CRPPA: variants seen among roughly 807,000 people sequenced by gnomAD.
CRPPA encodes the protein CDP-L-ribitol pyrophosphorylase A, also known as D-ribitol-5-phosphate cytidylyltransferase.
A neutral mutation model predicts 52.0 loss-of-function variants in CRPPA; 43 were observed. That is an observed-to-expected ratio of 0.83 (90% CI 0.65 to 1.07). The LOEUF (loss-of-function observed/expected upper bound fraction) is 1.07. Among genes scored for constraint, CRPPA ranks in the 50% least tolerant of loss-of-function variants. The pLI, the probability that CRPPA is intolerant of heterozygous loss-of-function variation, is 0.00. For synonymous variants in CRPPA, 250 were observed against 203.5 expected, an observed-to-expected ratio of 1.23 and a Z score of -1.94; for missense variants, 629 against 551.7, an observed-to-expected ratio of 1.14 and a Z score of -1.40.
chr7:16,120,096 AAAG>A (rs1782452459), intron 9 of CRPPA, among the ~76,000 whole-genome samples: 3 of 152,340 alleles, frequency 2.0e-5, no homozygotes, highest in African/African-American at 7.2e-5. Context: ...AAAAAGCCAT[AAAG>A]AAGAAAATGG....
intron 5 of CRPPA, among the ~76,000 whole-genome samples, chr7:16,286,812 G>A (rs1784461430): frequency 6.6e-6 from 1 of 152,030 alleles, no homozygotes; most frequent in South Asian, 2.1e-4. Flanking sequence ...CTTCTACTCA[G>A]GTAGAAATCA....
rs1562608274 is a variant in CRPPA at position 16,286,035 on chromosome 7, AAAAATAT to A, written c.836-7816_836-7810del. ...AACTCCATCTCAAAAAAAAAAAAAA[AAAAATAT>A]AAATATATATATATATATATATATA... On this transcript the variant is annotated intron_variant, in intron 5 of 9. Transcript: ENST00000407010. Among the ~76,000 whole-genome samples, 111 of 18,714 alleles carry A rather than the reference AAAAATAT, an allele frequency of 5.9e-3. 1 individual carries two copies. Among genetic ancestry groups the A allele is most frequent in the African/African-American group, 0.014 (36 of 2,534 alleles). The allele number at this position is 18,714 out of a possible 152,430, so 12.3% of individuals were successfully genotyped here.
intron 5 of CRPPA, among the ~76,000 whole-genome samples, chr7:16,300,863 C>T (rs1192965937): frequency 1.3e-5 from 2 of 152,138 alleles, no homozygotes; most frequent in African/African-American, 4.8e-5. Context: ...AATAAACTAC[C>T]TCTATTTAGC....
chr7:16,145,694 C>G lies in CRPPA; in HGVS notation c.1252-53895G>C, dbSNP rs995253564. On this transcript the variant is annotated intron_variant, in intron 9 of 9. Transcript: ENST00000407010. Reference sequence around the variant, plus strand: ...TGAAGAATATAATCCCTGAAATAAACAAACAGAGATCTTTAACAGCAGACT... The same window carrying G: ...TGAAGAATATAATCCCTGAAATAAAGAAACAGAGATCTTTAACAGCAGACT... Among the ~76,000 whole-genome samples, 9 of 146,170 alleles carry G rather than the reference C, an allele frequency of 6.2e-5. No homozygotes were observed. The East Asian group carries it at 1.8e-3, about 29-fold the overall frequency.
chr7:16,400,088 C>G (rs904940663), intron 2 of CRPPA, among the ~76,000 whole-genome samples: 51 of 152,012 alleles, frequency 3.4e-4, no homozygotes, highest in Non-Finnish European at 6.5e-4. Flanking sequence ...TATGACATGA[C>G]TGTCACGTGA....
chr7:16,399,368 C>T (rs1787727214), intron 2 of CRPPA, among the ~76,000 whole-genome samples: 1 of 151,708 alleles, frequency 6.6e-6, no homozygotes, highest in Non-Finnish European at 1.5e-5. Context: ...ATTGACGTGA[C>T]ACATTTGTGA....
chr7:16,331,947 CAA>C (rs1785561311), intron 3 of CRPPA, among the ~76,000 whole-genome samples: 2 of 152,006 alleles, frequency 1.3e-5, no homozygotes, highest in Admixed American at 6.6e-5. Context: ...ATAATTTCTC[CAA>C]ATTAATGTAA....
intron 3 of CRPPA, among the ~76,000 whole-genome samples, chr7:16,354,093 G>T (rs1188868486): frequency 6.6e-6 from 1 of 151,946 alleles, no homozygotes; most frequent in Non-Finnish European, 1.5e-5. Flanking sequence ...AAAAAATTGA[G>T]TTCAGTTTTT....
chr7:16,398,574 C>T (rs1055640356), intron 2 of CRPPA, among the ~76,000 whole-genome samples: 5 of 152,090 alleles, frequency 3.3e-5, no homozygotes, highest in African/African-American at 4.8e-5. Context: ...GTGATCGACA[C>T]GTGTGGCACG....
intron 9 of CRPPA, among the ~76,000 whole-genome samples, chr7:16,214,020 T>C (rs1333490509): frequency 6.6e-6 from 1 of 152,184 alleles, no homozygotes; most frequent in Non-Finnish European, 1.5e-5. Flanking sequence ...CAGAAAACTT[T>C]ATACTACGTA....
intron 9 of CRPPA, among the ~76,000 whole-genome samples, chr7:16,157,847 T>A (rs768506642): frequency 3.9e-5 from 6 of 151,964 alleles, no homozygotes; most frequent in Non-Finnish European, 5.9e-5. Context: ...CACTCTGATT[T>A]CCCTTTTTCT....
At chr7:16,104,118 T>C (rs974524304) in intron 9 of CRPPA, among the ~76,000 whole-genome samples, 4 of 152,302 alleles carry the variant, frequency 2.6e-5, no homozygotes, top group Admixed American at 2.0e-4. Flanking sequence ...AAAGTGTTAA[T>C]CTCAAAGTTT....
At chr7:16,406,460 A>G in intron 1 of CRPPA, 123 bp from the exon 2 acceptor site, 1 of 821,360 alleles carries the variant, frequency 1.2e-6, no homozygotes, top group Non-Finnish European at 1.9e-6. Flanking sequence ...CAAGTTAATA[A>G]AACAGTTTTA....
intron 9 of CRPPA, among the ~76,000 whole-genome samples, chr7:16,184,222 T>C (rs1242169149): frequency 6.6e-6 from 1 of 152,110 alleles, no homozygotes; most frequent in African/African-American, 2.4e-5. Context: ...ATTACAGGCA[T>C]GAGCCACCAC....
At chr7:16,195,010 G>T (rs1284452205) in intron 9 of CRPPA, among the ~76,000 whole-genome samples, 1 of 151,740 alleles carries the variant, frequency 6.6e-6, no homozygotes, top group Non-Finnish European at 1.5e-5. Flanking sequence ...CACCATTATT[G>T]CCTCATCCCA....
rs1781779228 is a variant in CRPPA, at chr7:16,089,446, T to C, written c.*2249A>G. ...ATACATATATGTGTATATATGTACG[T>C]GCATACATATATGTGTATATATGTA... On this transcript the variant is annotated 3_prime_UTR_variant, in exon 10 of 10. Coordinates refer to ENST00000407010, the MANE Select transcript of CRPPA (RefSeq NM_001101426.4). 1 of 339,322 alleles carries C rather than the reference T, an allele frequency of 2.9e-6. No homozygotes were observed. The highest frequency in any genetic ancestry group is 6.5e-6 in the Non-Finnish European group (1 of 152,754). 21.0% of individuals were successfully genotyped at this position (339,322 alleles called of 1,614,324 possible).
chr7:16,377,292 A>G (rs1425689098), intron 2 of CRPPA, among the ~76,000 whole-genome samples: 1 of 152,176 alleles, frequency 6.6e-6, no homozygotes, highest in Non-Finnish European at 1.5e-5. Flanking sequence ...GACAAAGAGG[A>G]AGTAGTATCC....
intron 9 of CRPPA, among the ~76,000 whole-genome samples, chr7:16,164,695 G>A (rs1003426441): frequency 1.2e-4 from 19 of 152,142 alleles, no homozygotes; most frequent in African/African-American, 4.6e-4. Context: ...GGGTTTTTGT[G>A]TGGTCATCCT....
At chr7:16,301,950 T>G (rs1331868225) in intron 4 of CRPPA, among the ~76,000 whole-genome samples, 2 of 152,138 alleles carry the variant, frequency 1.3e-5, no homozygotes, top group African/African-American at 4.8e-5. Flanking sequence ...AGATTCACCT[T>G]GTAAGATTTT....
Sources: allele counts gnomAD v4.1 joint callset (sites outside exome capture counted in the v4.1 genomes callset), GRCh38; gene constraint gnomAD v4.1.1; transcripts MANE v1.5; gene names NCBI Gene and HGNC (gene_info 2026-07-23, HGNC 2026-07-21).